COL28A1: variants seen among roughly 807,000 people sequenced by gnomAD.
COL28A1 encodes collagen alpha-1(XXVIII) chain.
A neutral mutation model predicts 150.2 loss-of-function variants in COL28A1; 161 were observed. That is an observed-to-expected ratio of 1.07 (90% CI 0.94 to 1.22). The LOEUF is 1.22. Ranked by LOEUF, COL28A1 falls within the 50% of genes most tolerant of loss-of-function variation. COL28A1 has a pLI of 0.00. For missense variants in COL28A1, 1,617 were observed against 1,388.3 expected (o/e 1.16, Z -2.62); for synonymous variants, 552 against 469.7 (o/e 1.18, Z -2.26).
At position 7,401,059 on chromosome 7, in the gene COL28A1, G is replaced by A. The variant is rs1414673124; in HGVS notation, c.2136+16800C>T. The stretch of plus-strand genomic sequence containing the variant: ...TGTGAAAGTCACCAATGACTTCCAG[G>A]TTGTCAAATCTAATGATCATGTTTC... On this transcript the variant is annotated intron_variant, in intron 27 of 34. Coordinates refer to ENST00000399429, the MANE Select transcript of COL28A1 (RefSeq NM_001037763.3). Among the ~76,000 whole-genome samples the A allele has an allele frequency of 2.8e-4, 39 of 140,648 alleles. No individual in the cohort carries two copies. In the Admixed American group the frequency reaches 2.9e-3, roughly 11 times the overall value. 92.3% of individuals were successfully genotyped at this position (140,648 alleles called of 152,430 possible).
At position 7,358,501 on chromosome 7, in the gene COL28A1, T is replaced by G. The variant is rs746644330; in HGVS notation, c.*132A>C. ...TAATATGTACATCCTAGGGCTGTAGTGAGAATTCAATTACATGTATAAGTT... is the reference window on the plus strand; with the variant it reads ...TAATATGTACATCCTAGGGCTGTAGGGAGAATTCAATTACATGTATAAGTT... On this transcript the variant is annotated 3_prime_UTR_variant, in exon 35 of 35. Coordinates refer to ENST00000399429, the MANE Select transcript of COL28A1 (RefSeq NM_001037763.3). 738 of 828,546 alleles carry G rather than the reference T, an allele frequency of 8.9e-4. No individual in the cohort carries two copies. Among genetic ancestry groups the G allele is most frequent in the Non-Finnish European group, 1.2e-3 (630 of 518,708 alleles). 51.3% of individuals were successfully genotyped at this position (828,546 alleles called of 1,614,324 possible).
At chr7:7,346,044 G>A in the COL28A1 span, among the ~76,000 whole-genome samples, 2 of 151,880 alleles carry the variant, frequency 1.3e-5, no homozygotes, top group African/African-American at 4.8e-5. Context: ...GTGATCCTGA[G>A]CTTTAAATTT....
intron 2 of COL28A1, among the ~76,000 whole-genome samples, chr7:7,532,184 A>G (rs1459687791): frequency 1.3e-5 from 2 of 152,130 alleles, no homozygotes; most frequent in African/African-American, 4.8e-5. Flanking sequence ...AAGTGGGAGG[A>G]AATGGGAAGT....
In COL28A1 at chr7:7,381,556, G is replaced by A. The variant is rs944906562; in HGVS notation, c.2193C>T (p.Leu731=). ...PGPKGTMGHG[L]PGQKGEHGER... is the part of the protein sequence containing the mutation. ...CTGAGACACTTACCTTCTGGCCTGG[G>A]AGGCCATGGCCCATTGTGCCCTTTG... Residue 731 remains leucine (L), a synonymous_variant, in exon 28 of 35, where the codon CTC becomes CTT. Transcript: ENST00000399429. 1 of 1,613,170 alleles carries A rather than the reference G, an allele frequency of 6.2e-7. No individual in the cohort carries two copies. The highest frequency in any genetic ancestry group is 8.5e-7 in the Non-Finnish European group (1 of 1,179,144).
the COL28A1 span, among the ~76,000 whole-genome samples, chr7:7,541,423 T>A: frequency 6.6e-6 from 1 of 152,204 alleles, no homozygotes; most frequent in Admixed American, 6.5e-5. Context: ...GAACTATAGA[T>A]TTTGAAATCA....
chr7:7,490,686 G>A (rs1190630128), intron 11 of COL28A1, 40 bp from the exon 12 acceptor site: 6 of 881,534 alleles, frequency 6.8e-6, no homozygotes, highest in South Asian at 2.8e-5. Flanking sequence ...ATGTTAGGTC[G>A]ACTCAATAGT....
intron 27 of COL28A1, among the ~76,000 whole-genome samples, chr7:7,400,174 T>C (rs1026165901): frequency 5.9e-5 from 9 of 152,220 alleles, no homozygotes; most frequent in African/African-American, 2.2e-4. Context: ...GGCCCCTAGA[T>C]ATCCAGGTCC....
At chr7:7,446,794 A>G (rs1786294311) in intron 18 of COL28A1, among the ~76,000 whole-genome samples, 1 of 152,228 alleles carries the variant, frequency 6.6e-6, no homozygotes, top group Admixed American at 6.5e-5. Flanking sequence ...GGGCAAGTTC[A>G]GGCATCTCTC....
intron 27 of COL28A1, among the ~76,000 whole-genome samples, chr7:7,391,898 TC>T (rs1288967548): frequency 5.9e-5 from 9 of 151,878 alleles, no homozygotes; most frequent in Non-Finnish European, 1.5e-5. Context: ...GAGATGGGTC[TC>T]CTGAATACAA....
chr7:7,526,601 G>T (rs1302378936), intron 3 of COL28A1, among the ~76,000 whole-genome samples: 1 of 151,952 alleles, frequency 6.6e-6, no homozygotes, highest in African/African-American at 2.4e-5. Flanking sequence ...TTAAATATTT[G>T]TCACTTTAAA....
At chr7:7,501,760 G>C (rs1780539319) in intron 11 of COL28A1, among the ~76,000 whole-genome samples, 1 of 152,122 alleles carries the variant, frequency 6.6e-6, no homozygotes, top group South Asian at 2.1e-4. Flanking sequence ...AGCAGCGTTG[G>C]GTTTTTAGGG....
intron 4 of COL28A1, among the ~76,000 whole-genome samples, chr7:7,523,718 T>C (rs73674578): frequency 0.24 from 37,124 of 152,102 alleles, 4,743 homozygotes; most frequent in Middle Eastern, 0.36. Context: ...CGTCCAATCT[T>C]ATTGGCCAGT....
the COL28A1 span, among the ~76,000 whole-genome samples, chr7:7,340,794 C>A: frequency 6.6e-6 from 1 of 152,064 alleles, no homozygotes; most frequent in South Asian, 2.1e-4. Flanking sequence ...TAATCATTTG[C>A]AAACTCTGGG....
At chr7:7,356,336 A>G (rs1352729190), downstream of COL28A1, 1 of 152,200 alleles carries the variant, frequency 6.6e-6, no homozygotes, top group Non-Finnish European at 1.5e-5. Flanking sequence ...GAAGTTCAAA[A>G]TGGGATATCC....
At chr7:7,479,170 C>T (rs967932501) in intron 13 of COL28A1, among the ~76,000 whole-genome samples, 2 of 152,216 alleles carry the variant, frequency 1.3e-5, no homozygotes, top group Non-Finnish European at 2.9e-5. Context: ...TAAACCAATC[C>T]CCCATGAATA....
rs919303008 is a variant in COL28A1, at chr7:7,420,830, A to T, written c.1999-877T>A. 2.6e-5 allele frequency among the ~76,000 whole-genome samples: 4 copies of T among 151,996 alleles called. No homozygotes were observed. The East Asian group carries it at 7.7e-4, about 29-fold the overall frequency. ...ACCTATTTTATTAAAGTGGAAGCTA[A>T]GGTTTGCCCAAGTCTGCACAGCTAT... On this transcript the variant is annotated intron_variant, in intron 25 of 34. Transcript: ENST00000399429.
chr7:7,372,849 A>G, intron 32 of COL28A1, 149 bp downstream of exon 32: 1 of 637,136 alleles, frequency 1.6e-6, no homozygotes, highest in South Asian at 2.0e-5. Context: ...AAACATTTTT[A>G]ATCTTCTGGA....
chr7:7,390,051 G>A (rs150615981), intron 27 of COL28A1, among the ~76,000 whole-genome samples: 2,616 of 152,276 alleles, frequency 0.017, 44 homozygotes, highest in Non-Finnish European at 0.025. Flanking sequence ...GGTGAGAGAG[G>A]GCATCCCTAT....
intron 15 of COL28A1, among the ~76,000 whole-genome samples, chr7:7,466,318 C>G (rs1170970515): frequency 6.9e-6 from 1 of 145,084 alleles, no homozygotes; most frequent in African/African-American, 2.6e-5. Context: ...GCAGAAGCCT[C>G]AGGAGCCGAT....
Sources: gnomAD v4.1 joint callset for allele counts (sites outside exome capture counted in the v4.1 genomes callset) on GRCh38, gnomAD v4.1.1 for gene constraint, MANE v1.5 for transcripts, NCBI Gene and HGNC (gene_info 2026-07-23, HGNC 2026-07-21) for gene names.